The following VWA3B variants were observed in gnomAD, a reference collection of about 807,000 sequenced individuals.
VWA3B encodes the protein von Willebrand factor A domain-containing protein 3B.
VWA3B carries 138 observed loss-of-function variants against 158.3 expected under a neutral mutation model. That is an observed-to-expected ratio of 0.87 (90% confidence interval 0.76 to 1.00). The LOEUF (loss-of-function observed/expected upper bound fraction) is 1.00. Among genes scored for constraint, VWA3B ranks in the 50% least tolerant of loss-of-function variants. VWA3B has a pLI of 0.00. For synonymous variants in VWA3B, 596 were observed against 587.3 expected (o/e 1.01, Z -0.21); for missense variants, 1,555 against 1,565.1 (o/e 0.99, Z 0.11).
At chr2:98,325,877 A>C in the VWA3B span, among the ~76,000 whole-genome samples, 1 of 152,230 alleles carries the variant, frequency 6.6e-6, no homozygotes, top group Admixed American at 6.5e-5. Flanking sequence ...CAAATCCCAG[A>C]TAATATATTT....
At chr2:98,160,101 G>A (rs1678448235) in intron 7 of VWA3B, among the ~76,000 whole-genome samples, 1 of 151,822 alleles carries the variant, frequency 6.6e-6, no homozygotes, top group Non-Finnish European at 1.5e-5. Flanking sequence ...AATTCACGGA[G>A]GTCTGAACAG....
intron 23 of VWA3B, among the ~76,000 whole-genome samples, chr2:98,294,576 C>T (rs767081358): frequency 7.2e-5 from 11 of 152,292 alleles, no homozygotes; most frequent in East Asian, 1.9e-4. Flanking sequence ...ATCTGGATGC[C>T]GAAAGGCAAG....
chr2:98,298,124 G>T, intron 24 of VWA3B, 93 bp downstream of exon 24: 1 of 1,337,060 alleles, frequency 7.5e-7, no homozygotes. Context: ...GCCCTTTGCT[G>T]AACCTACACG....
intron 3 of VWA3B, 150 bp from the exon 4 acceptor site, chr2:98,119,363 A>G: frequency 2.3e-6 from 2 of 862,920 alleles, no homozygotes; most frequent in Non-Finnish European, 1.7e-6. Context: ...TTTTCTGTTG[A>G]AAGACTGGAA....
chr2:98,315,037 C>T (rs1372345472), downstream of VWA3B, among the ~76,000 whole-genome samples: 2 of 151,388 alleles, frequency 1.3e-5, no homozygotes, highest in African/African-American at 4.9e-5. Flanking sequence ...TCCGGAATGA[C>T]ACAGACAATG....
Position 98,105,462 on chromosome 2 carries a change from A to G in VWA3B, c.197-10190A>G, listed in dbSNP as rs558906586. On this transcript the variant is annotated intron_variant, in intron 2 of 27. Transcript: ENST00000477737. ...TGTGTAGATTTCTGTAACCACCACT[A>G]CAATCAAGAGAGAGAACTGTTTATC... Among the ~76,000 whole-genome samples the G allele has an allele frequency of 6.6e-5, 10 of 151,390 alleles. No homozygotes were observed. In the South Asian group the frequency reaches 1.9e-3, roughly 29 times the overall value.
intron 8 of VWA3B, among the ~76,000 whole-genome samples, chr2:98,163,583 G>T (rs1452037430): frequency 6.6e-6 from 1 of 152,114 alleles, no homozygotes; most frequent in African/African-American, 2.4e-5. Flanking sequence ...ACAGATTCTT[G>T]ACAAACTCTT....
chr2:98,216,762 C>T, intron 13 of VWA3B: 1 of 479,554 alleles, frequency 2.1e-6, no homozygotes, highest in Non-Finnish European at 4.3e-6. Flanking sequence ...CAGGGAACAT[C>T]ATCTCATTTA....
At chr2:98,231,269 A>G (rs1402502173) in intron 16 of VWA3B, among the ~76,000 whole-genome samples, 1 of 152,250 alleles carries the variant, frequency 6.6e-6, no homozygotes, top group African/African-American at 2.4e-5. Context: ...ATAAACATAT[A>G]CAAGCATATT....
chr2:98,179,782 TTTCTTTTCTTTCTTTCTTTCTTTC>T (rs1440004742), intron 8 of VWA3B, among the ~76,000 whole-genome samples: 1 of 73,350 alleles, frequency 1.4e-5, no homozygotes, highest in Admixed American at 1.5e-4. Context: ...TTTCTTTCTC[TTTCTTTTCTTTCTTTCTTTCTTTC>T]TTTCTTTCTT....
At chr2:98,221,382 GT>G (rs1558691817) in intron 14 of VWA3B, among the ~76,000 whole-genome samples, 1 of 152,124 alleles carries the variant, frequency 6.6e-6, no homozygotes, top group Non-Finnish European at 1.5e-5. Context: ...GGCAATATCT[GT>G]CCTGCTCCAG....
chr2:98,217,770 C>G, intron 13 of VWA3B, 76 bp from the exon 14 acceptor site: 1 of 1,372,224 alleles, frequency 7.3e-7, no homozygotes, highest in Middle Eastern at 1.9e-4. Context: ...GTAGTAAATA[C>G]TAAGGATTTT....
chr2:98,216,620 C>T (rs937777603), intron 13 of VWA3B: 1 of 439,910 alleles, frequency 2.3e-6, no homozygotes, highest in African/African-American at 2.0e-5. Flanking sequence ...GGAGCCCTGG[C>T]TGCACAGCTG....
At chr2:98,199,046 C>T (rs902484475) in intron 12 of VWA3B, among the ~76,000 whole-genome samples, 1 of 149,470 alleles carries the variant, frequency 6.7e-6, no homozygotes, top group African/African-American at 2.5e-5. Context: ...GAGATGGCGC[C>T]ACTGCACTCC....
intron 25 of VWA3B, among the ~76,000 whole-genome samples, chr2:98,300,843 C>G (rs1285672711): frequency 6.6e-6 from 1 of 152,120 alleles, no homozygotes; most frequent in Non-Finnish European, 1.5e-5. Flanking sequence ...GCCTCCTTCT[C>G]CTCTGTGTCC....
At chr2:98,090,897 A>C (rs1682239284) in intron 1 of VWA3B, among the ~76,000 whole-genome samples, 1 of 151,718 alleles carries the variant, frequency 6.6e-6, no homozygotes, top group Non-Finnish European at 1.5e-5. Flanking sequence ...CTGGGACTAC[A>C]GGCATGCACC....
rs116689958 is a variant in VWA3B, at chr2:98,282,246, C to T, written c.3046-8265C>T. 3.6e-3 allele frequency among the ~76,000 whole-genome samples: 542 copies of T among 151,932 alleles called. 1 individual carries two copies. The highest frequency in any genetic ancestry group is 0.013 in the African/African-American group (516 of 41,266). On this transcript the variant is annotated intron_variant, in intron 22 of 27. Coordinates refer to ENST00000477737, the MANE Select transcript of VWA3B (RefSeq NM_144992.5). The stretch of plus-strand genomic sequence containing the variant: ...TGTTTCTGTGGGATGAACCATTATA[C>T]TGAAGCTGGCCATTGTGCTTCATCT...
chr2:98,226,963 G>A (rs975161950), intron 14 of VWA3B, among the ~76,000 whole-genome samples: 20 of 152,138 alleles, frequency 1.3e-4, no homozygotes, highest in African/African-American at 3.6e-4. Context: ...AAAGCCAGAA[G>A]CATTCCCTTT....
chr2:98,277,690 AAG>A (rs1688607356), intron 22 of VWA3B, among the ~76,000 whole-genome samples: 1 of 152,156 alleles, frequency 6.6e-6, no homozygotes, highest in African/African-American at 2.4e-5. Flanking sequence ...CTCCGGGAGA[AAG>A]AGAGCGTTAG....
Sources: allele counts gnomAD v4.1 joint callset (sites outside exome capture counted in the v4.1 genomes callset), GRCh38; gene constraint gnomAD v4.1.1; transcripts MANE v1.5; gene names NCBI Gene and HGNC (gene_info 2026-07-23, HGNC 2026-07-21).